Variants in CSMD3 observed in about 807,000 individuals in gnomAD.
CSMD3 encodes the protein CUB and Sushi multiple domains 3.
In CSMD3, 177 loss-of-function variants were observed where a neutral mutation model predicts 435.2. That is an observed-to-expected ratio of 0.41 (90% CI 0.36 to 0.46). The LOEUF (loss-of-function observed/expected upper bound fraction) is 0.46. CSMD3 is among the 20% of genes least tolerant of loss of function. CSMD3 has a pLI of 0.34. For synonymous variants in CSMD3, 1,656 were observed against 1,520.5 expected, an observed-to-expected ratio of 1.09 and a Z score of -2.07; for missense variants, 4,265 against 4,504.6, an observed-to-expected ratio of 0.95 and a Z score of 1.52.
intron 3 of CSMD3, among the ~76,000 whole-genome samples, chr8:113,230,252 G>A (rs2093070493): frequency 1.3e-5 from 2 of 151,628 alleles, no homozygotes; most frequent in Admixed American, 1.3e-4. Context: ...CATAACATCT[G>A]TTGATTTAAT....
Position 112,410,712 on chromosome 8 carries a change from A to ATG in CSMD3, c.5396-1681_5396-1680insCA, listed in dbSNP as rs1563913664. On this transcript the variant is annotated intron_variant, in intron 32 of 70. Coordinates refer to ENST00000297405, the MANE Select transcript of CSMD3 (RefSeq NM_198123.2). ...TGTATATATATATGTGTATATATAT[A>ATG]TATGTATATATATAGGAAAGGTTTT... Among the ~76,000 whole-genome samples the ATG allele has an allele frequency of 4.5e-4, 60 of 134,746 alleles. 3 individuals carry two copies. Among genetic ancestry groups the ATG allele is most frequent in the East Asian group, 1.1e-3 (5 of 4,666 alleles). 88.4% of individuals were successfully genotyped at this position (134,746 alleles called of 152,430 possible). A position where few individuals can be genotyped will look rare whatever the true frequency, so the allele number is the denominator to read the frequency against.
At chr8:113,245,164 C>T (rs2093262773) in intron 3 of CSMD3, among the ~76,000 whole-genome samples, 1 of 151,982 alleles carries the variant, frequency 6.6e-6, no homozygotes, top group African/African-American at 2.4e-5. Flanking sequence ...AAAAGTGTCT[C>T]TTTTGGATGG....
intron 13 of CSMD3, among the ~76,000 whole-genome samples, chr8:112,750,582 C>A (rs1292606140): frequency 6.6e-6 from 1 of 151,794 alleles, no homozygotes; most frequent in Non-Finnish European, 1.5e-5. Flanking sequence ...AGTATATATG[C>A]AAGTTTAGAG....
At chr8:112,599,955 C>T (rs1490979486) in intron 22 of CSMD3, among the ~76,000 whole-genome samples, 8 of 148,892 alleles carry the variant, frequency 5.4e-5, no homozygotes, top group Non-Finnish European at 8.9e-5. Context: ...ACCAGCATGG[C>T]ACATGTATAC....
chr8:112,683,329 T>C (rs1014305980), intron 15 of CSMD3, among the ~76,000 whole-genome samples: 6 of 152,014 alleles, frequency 3.9e-5, no homozygotes, highest in Non-Finnish European at 5.9e-5. Flanking sequence ...ACTTGCCTAA[T>C]GTCATAGAAA....
chr8:113,343,094 G>C (rs755735878), intron 1 of CSMD3, among the ~76,000 whole-genome samples: 2 of 151,968 alleles, frequency 1.3e-5, no homozygotes, highest in Admixed American at 6.6e-5. Context: ...GACTGAGGGA[G>C]CAGGAGGAAG....
At chr8:112,571,030 G>A (rs1002607842) in intron 24 of CSMD3, among the ~76,000 whole-genome samples, 3 of 151,764 alleles carry the variant, frequency 2.0e-5, no homozygotes, top group South Asian at 4.2e-4. Context: ...ATTTTGAGAC[G>A]GAGTTTCACT....
intron 69 of CSMD3, among the ~76,000 whole-genome samples, chr8:112,230,555 A>T (rs1436290406): frequency 6.6e-6 from 1 of 152,082 alleles, no homozygotes; most frequent in African/African-American, 2.4e-5. Context: ...TGGGGAGGCC[A>T]AGGCGGGCGG....
chr8:113,263,522 T>C (rs1279369012), intron 3 of CSMD3, among the ~76,000 whole-genome samples: 1 of 151,924 alleles, frequency 6.6e-6, no homozygotes, highest in Non-Finnish European at 1.5e-5. Context: ...ATCATTGATT[T>C]CCCATTTACT....
intron 35 of CSMD3, among the ~76,000 whole-genome samples, chr8:112,402,887 A>G (rs950200061): frequency 6.6e-6 from 1 of 152,180 alleles, no homozygotes; most frequent in African/African-American, 2.4e-5. Flanking sequence ...TTAGTTCAGA[A>G]TGTTATAAAT....
At chr8:112,492,295 GA>G (rs1226806072) in intron 31 of CSMD3, among the ~76,000 whole-genome samples, 193 bp downstream of exon 31, 1 of 152,072 alleles carries the variant, frequency 6.6e-6, no homozygotes, top group Non-Finnish European at 1.5e-5. Context: ...AGACACCTGG[GA>G]ATATAAGCAC....
rs574413901 is a variant in CSMD3, at chr8:112,976,009, A to C, written c.1170T>G (p.Leu390=). Reference sequence around the variant, plus strand: ...TAACTTGCACTCGCTGTTCCTCGGAAAGTCTATGGATGGTGACAGCTGTAA... The same window carrying C: ...TAACTTGCACTCGCTGTTCCTCGGACAGTCTATGGATGGTGACAGCTGTAA... ...SSVTAVTIHR[L]SEEQRVQVTS... Residue 390 remains leucine, a synonymous_variant, in exon 7 of 71, where the codon CTT becomes CTG. Coordinates refer to ENST00000297405, the MANE Select transcript of CSMD3 (RefSeq NM_198123.2). 1.2e-6 allele frequency: 2 copies of C among 1,613,988 alleles called. No individual in the cohort carries two copies. The highest frequency in any genetic ancestry group is 2.7e-5 in the African/African-American group (2 of 75,006).
At chr8:113,076,075 A>G (rs1453351747) in intron 5 of CSMD3, among the ~76,000 whole-genome samples, 1 of 151,766 alleles carries the variant, frequency 6.6e-6, no homozygotes, top group Non-Finnish European at 1.5e-5. Flanking sequence ...AACAAGACAC[A>G]ACAAAAGTTA....
At chr8:113,328,242 T>C (rs988946929) in intron 1 of CSMD3, among the ~76,000 whole-genome samples, 2 of 151,288 alleles carry the variant, frequency 1.3e-5, no homozygotes, top group African/African-American at 4.8e-5. Flanking sequence ...ATCGAGACCA[T>C]CCCGGCTAAA....
chr8:112,958,852 G>T (rs1241753045), intron 7 of CSMD3, among the ~76,000 whole-genome samples: 2 of 152,096 alleles, frequency 1.3e-5, no homozygotes, highest in Non-Finnish European at 2.9e-5. Context: ...AATAGATTGG[G>T]AAGTACTATA....
At chr8:113,219,810 C>A (rs1455538950) in intron 3 of CSMD3, among the ~76,000 whole-genome samples, 2 of 151,264 alleles carry the variant, frequency 1.3e-5, no homozygotes, top group African/African-American at 4.8e-5. Context: ...ATAATAACAA[C>A]AGGAAGCTTT....
At chr8:113,326,829 C>T (rs1438027758) in intron 1 of CSMD3, among the ~76,000 whole-genome samples, 2 of 152,016 alleles carry the variant, frequency 1.3e-5, no homozygotes, top group African/African-American at 4.8e-5. Context: ...ATAAGAATGA[C>T]ATTTTAAGCT....
chr8:113,042,295 C>A (rs2087655753), intron 5 of CSMD3, among the ~76,000 whole-genome samples: 1 of 152,080 alleles, frequency 6.6e-6, no homozygotes, highest in South Asian at 2.1e-4. Context: ...AGTAGAATCA[C>A]AAATTAATTA....
At chr8:112,979,744 A>G (rs1250572448) in intron 6 of CSMD3, among the ~76,000 whole-genome samples, 2 of 151,322 alleles carry the variant, frequency 1.3e-5, no homozygotes, top group Admixed American at 1.3e-4. Flanking sequence ...CATTCAGAAA[A>G]CTTTCTTCAT....
Sources: gnomAD v4.1 joint callset for allele counts (sites outside exome capture counted in the v4.1 genomes callset) on GRCh38, gnomAD v4.1.1 for gene constraint, MANE v1.5 for transcripts, NCBI Gene and HGNC (gene_info 2026-07-23, HGNC 2026-07-21) for gene names.